PHF20: variants seen among roughly 807,000 people sequenced by gnomAD.
PHF20 encodes the protein glioma-expressed antigen 2.
In PHF20, 23 loss-of-function variants were observed where a neutral mutation model predicts 113.5. That is an observed-to-expected ratio of 0.20 (90% CI 0.15 to 0.29). PHF20 has a LOEUF of 0.29. Among genes scored for constraint, PHF20 ranks in the 10% least tolerant of loss-of-function variants. The probability of loss-of-function intolerance (pLI) is 1.00; values close to 1 mark genes in which losing one functional copy is unlikely to be tolerated. For synonymous variants in PHF20, 434 were observed against 457.3 expected (o/e 0.95, Z 0.65); for missense variants, 943 against 1,219.6 (o/e 0.77, Z 3.38).
intron 5 of PHF20, among the ~76,000 whole-genome samples, chr20:35,860,316 C>T (rs1381795902): frequency 5.3e-5 from 8 of 150,136 alleles, no homozygotes; most frequent in Non-Finnish European, 1.0e-4. Flanking sequence ...TCTAGGCTCA[C>T]TGTAAACTCC....
At chr20:35,869,145 A>C (rs1298665843) in intron 6 of PHF20, among the ~76,000 whole-genome samples, 1 of 152,080 alleles carries the variant, frequency 6.6e-6, no homozygotes, top group Admixed American at 6.6e-5. Flanking sequence ...CCTCAAAACT[A>C]GGCCCAGTGC....
Position 35,949,070 on chromosome 20 carries a change from G to A in PHF20, c.*1443G>A, listed in dbSNP as rs1218061156. 6.6e-6 allele frequency: 1 copy of A among 152,646 alleles called. No individual in the cohort carries two copies. The highest frequency in any genetic ancestry group is 2.4e-5 in the African/African-American group (1 of 41,456). The allele number at this position is 152,646 out of a possible 1,614,324, so 9.5% of individuals were successfully genotyped here. On this transcript the variant is annotated 3_prime_UTR_variant, in exon 18 of 18. Coordinates refer to ENST00000374012, the MANE Select transcript of PHF20 (RefSeq NM_016436.5). ...TAAAATCTATTTCAGGGAATGTTCT[G>A]TCTAGTGATTTGCTCACCATTTGAT...
chr20:35,885,467 CT>C (rs577878410), intron 9 of PHF20, among the ~76,000 whole-genome samples: 80 of 35,716 alleles, frequency 2.2e-3, no homozygotes, highest in Admixed American at 7.6e-3. Context: ...GGGGAATAAG[CT>C]TTTTTTTTTT....
intron 2 of PHF20, among the ~76,000 whole-genome samples, chr20:35,808,623 G>C (rs772482772): frequency 1.3e-5 from 2 of 151,778 alleles, no homozygotes; most frequent in African/African-American, 2.4e-5. Context: ...TCCCAGGCTG[G>C]AGTGCAGTGG....
At chr20:35,935,322 T>A (rs1156583028) in intron 15 of PHF20, among the ~76,000 whole-genome samples, 2 of 152,208 alleles carry the variant, frequency 1.3e-5, no homozygotes, top group Admixed American at 1.3e-4. Context: ...CTTACAGAAA[T>A]GCCAGTGTTC....
At position 35,913,169 on chromosome 20, in the gene PHF20, C is replaced by A. The variant is rs1221033112; in HGVS notation, c.1562-80C>A. 1.5e-5 allele frequency: 15 copies of A among 996,718 alleles called. No individual in the cohort carries two copies. In the South Asian group the frequency reaches 1.9e-4, roughly 12 times the overall value. The allele number at this position is 996,718 out of a possible 1,614,324, so 61.7% of individuals were successfully genotyped here. On this transcript the variant is annotated intron_variant, in intron 10 of 17. Transcript: ENST00000374012. ...CCCAGGCAGAGCCAGACCCATCGGACATGCTTGCTTAGGAGAAGAATAAGC... is the reference window on the plus strand; with the variant it reads ...CCCAGGCAGAGCCAGACCCATCGGAAATGCTTGCTTAGGAGAAGAATAAGC...
intron 6 of PHF20, among the ~76,000 whole-genome samples, chr20:35,866,462 A>T (rs1162269941): frequency 6.6e-6 from 1 of 152,180 alleles, no homozygotes; most frequent in Non-Finnish European, 1.5e-5. Flanking sequence ...CCCAGTTGAG[A>T]AAATCTGGAA....
Position 35,869,491 on chromosome 20 carries a change from A to G in PHF20, c.862A>G (p.Arg288Gly), listed in dbSNP as rs1836438689. 1.2e-6 allele frequency: 2 copies of G among 1,612,536 alleles called. No homozygotes were observed. Among genetic ancestry groups the G allele is most frequent in the Non-Finnish European group, 1.7e-6 (2 of 1,179,212 alleles). The change falls in exon 7 of 18, where the codon AGG becomes GGG. Residue 288 changes from arginine to glycine, a missense_variant. This residue lies in a region of PHF20 where 592 missense variants were observed against 787.2 expected (regional missense o/e 0.75). Transcript: ENST00000374012. ...ACCAATAACATTGGAACTGAGAAGA[A>G]GGAAAATATCAAAAGGATGTGAAGT... ...LQPITLELRR[R>G]KISKGCEVPL...
At chr20:35,807,540 G>A (rs2041906167) in intron 2 of PHF20, among the ~76,000 whole-genome samples, 1 of 151,730 alleles carries the variant, frequency 6.6e-6, no homozygotes, top group Non-Finnish European at 1.5e-5. Flanking sequence ...TTTAGTAGAG[G>A]CGGGGTTTTG....
chr20:35,871,946 C>T (rs953013557), intron 9 of PHF20, 117 bp downstream of exon 9: 1 of 678,270 alleles, frequency 1.5e-6, no homozygotes, highest in Admixed American at 3.3e-5. Flanking sequence ...ATTAATATTC[C>T]CTTATCATTT....
chr20:35,864,552 A>G (rs1219933183), intron 6 of PHF20, among the ~76,000 whole-genome samples: 3 of 152,174 alleles, frequency 2.0e-5, no homozygotes, highest in Non-Finnish European at 2.9e-5. Flanking sequence ...AAATCAGACT[A>G]TCAGACTTAA....
At chr20:35,927,102 A>G (rs960921800) in intron 13 of PHF20, among the ~76,000 whole-genome samples, 1 of 151,954 alleles carries the variant, frequency 6.6e-6, no homozygotes, top group African/African-American at 2.4e-5. Flanking sequence ...CTGTCCCCTC[A>G]ATACTCAGGG....
At chr20:35,874,680 AAAAC>A (rs1214138725) in intron 9 of PHF20, among the ~76,000 whole-genome samples, 1 of 152,264 alleles carries the variant, frequency 6.6e-6, no homozygotes, top group African/African-American at 2.4e-5. Flanking sequence ...TTTTAGTTAA[AAAAC>A]AAACAAATAA....
intron 16 of PHF20, among the ~76,000 whole-genome samples, 188 bp from the exon 17 acceptor site, chr20:35,940,676 G>A (rs1357368107): frequency 6.6e-6 from 1 of 152,194 alleles, no homozygotes; most frequent in Non-Finnish European, 1.5e-5. Context: ...GTGCTACCCT[G>A]AGGTAGTTGG....
rs11908281 is a variant in PHF20 at position 35,840,560 on chromosome 20, A to G, written c.84-2013A>G. Among the ~76,000 whole-genome samples the G allele has an allele frequency of 5.2e-3, 786 of 152,292 alleles. 9 individuals carry two copies. Among genetic ancestry groups the G allele is most frequent in the African/African-American group, 0.018 (754 of 41,574 alleles). Reference sequence around the variant, plus strand: ...CCACAATCGTAGCTGTGATCTGGTCAGGAAGTCACTACTGGCACTGCCATC... The same window carrying G: ...CCACAATCGTAGCTGTGATCTGGTCGGGAAGTCACTACTGGCACTGCCATC... On this transcript the variant is annotated intron_variant, in intron 2 of 17. Coordinates refer to ENST00000374012, the MANE Select transcript of PHF20 (RefSeq NM_016436.5).
In PHF20 at chr20:35,932,591, C is replaced by T. The variant is rs200418845; in HGVS notation, c.2300+1147C>T. Among the ~76,000 whole-genome samples the T allele has an allele frequency of 5.3e-5, 8 of 150,394 alleles. No homozygotes were observed. The South Asian group carries it at 8.5e-4, about 16-fold the overall frequency. On this transcript the variant is annotated intron_variant, in intron 15 of 17. Transcript: ENST00000374012. Reference sequence around the variant, plus strand: ...GAATACAGGCGCACGCCACCACACCCGGCTAATTTTTGTATTTTTAGTAGA... The same window carrying T: ...GAATACAGGCGCACGCCACCACACCTGGCTAATTTTTGTATTTTTAGTAGA...
At chr20:35,942,863 G>T (rs754904246) in intron 17 of PHF20, among the ~76,000 whole-genome samples, 2 of 151,180 alleles carry the variant, frequency 1.3e-5, no homozygotes, top group Non-Finnish European at 2.9e-5. Context: ...TCGCTCTGTT[G>T]CCCGGGCTGG....
chr20:35,905,118 C>T (rs886492624), intron 10 of PHF20, among the ~76,000 whole-genome samples: 1 of 152,120 alleles, frequency 6.6e-6, no homozygotes, highest in Non-Finnish European at 1.5e-5. Context: ...AGCCACCGTG[C>T]CTGGCTGATC....
chr20:35,854,855 G>A (rs2042799191), intron 4 of PHF20, among the ~76,000 whole-genome samples: 1 of 152,140 alleles, frequency 6.6e-6, no homozygotes, highest in African/African-American at 2.4e-5. Context: ...ACTTAATCAT[G>A]GAACTCAGGT....
Sources: allele counts gnomAD v4.1 joint callset (sites outside exome capture counted in the v4.1 genomes callset), GRCh38; gene constraint gnomAD v4.1.1; regional missense constraint gnomAD v4.1.1; transcripts MANE v1.5; gene names NCBI Gene and HGNC (gene_info 2026-07-23, HGNC 2026-07-21).